CACNA2D3: variants seen among roughly 807,000 people sequenced by gnomAD.
CACNA2D3 encodes calcium voltage-gated channel auxiliary subunit alpha2delta 3, also known as voltage-dependent calcium channel subunit alpha-2/delta-3.
A neutral mutation model predicts 160.6 loss-of-function variants in CACNA2D3; 60 were observed. The observed-to-expected ratio is 0.37, with a 90% CI of 0.30 to 0.46. CACNA2D3 has a LOEUF of 0.46. Ranked by LOEUF, CACNA2D3 falls within the 20% of genes least tolerant of loss-of-function variation. The pLI, the probability that CACNA2D3 is intolerant of heterozygous loss-of-function variation, is 1.00. For missense variants in CACNA2D3, 1,205 were observed against 1,365.0 expected, an observed-to-expected ratio of 0.88 and a Z score of 1.85; for synonymous variants, 558 against 492.9, an observed-to-expected ratio of 1.13 and a Z score of -1.75.
intron 3 of CACNA2D3, among the ~76,000 whole-genome samples, chr3:54,325,115 A>G (rs1477124267): frequency 6.6e-6 from 1 of 152,190 alleles, no homozygotes; most frequent in Non-Finnish European, 1.5e-5. Context: ...GAGTAGCACA[A>G]ACTATCAATC....
intron 20 of CACNA2D3, among the ~76,000 whole-genome samples, chr3:54,879,750 ACCTTT>A (rs1425294724): frequency 1.3e-5 from 2 of 152,050 alleles, no homozygotes; most frequent in African/African-American, 4.8e-5. Context: ...GTTCCATTTC[ACCTTT>A]TATTTCCATG....
chr3:54,439,884 C>G (rs1031527770), intron 4 of CACNA2D3, among the ~76,000 whole-genome samples: 1 of 152,194 alleles, frequency 6.6e-6, no homozygotes, highest in Non-Finnish European at 1.5e-5. Context: ...TGCAGTGCTT[C>G]TCCAATGTGA....
At chr3:54,445,325 G>A (rs1015312773) in intron 4 of CACNA2D3, among the ~76,000 whole-genome samples, 6 of 152,104 alleles carry the variant, frequency 3.9e-5, no homozygotes, top group African/African-American at 7.2e-5. Context: ...AAGTTAAAAC[G>A]CTGATACTTC....
intron 3 of CACNA2D3, among the ~76,000 whole-genome samples, chr3:54,321,727 G>A (rs1435041872): frequency 6.6e-6 from 1 of 152,106 alleles, no homozygotes; most frequent in Non-Finnish European, 1.5e-5. Flanking sequence ...ATTCTTTACT[G>A]CCGCCTTGCT....
rs1351986488 is a variant in CACNA2D3 at position 54,642,236 on chromosome 3, C to G, written c.1162C>G (p.Arg388Gly). The G allele has an allele frequency of 1.2e-6, 2 of 1,602,728 alleles. No homozygotes were observed. Among genetic ancestry groups the G allele is most frequent in the South Asian group, 1.1e-5 (1 of 89,456 alleles). ...TIFAKYNWPD[R>G]KVRIFTYLIG... Reference sequence around the variant, plus strand: ...CTTTGCAAAATACAATTGGCCAGATCGAAAGGTAAGTTGATGCTGATCCCG... The same window carrying G: ...CTTTGCAAAATACAATTGGCCAGATGGAAAGGTAAGTTGATGCTGATCCCG... Residue 388 changes from arginine to glycine, a missense_variant, in exon 11 of 38, where the codon CGA becomes GGA. Physicochemically the swap from Arg to Gly is moderately radical, Grantham distance 125. Coordinates refer to ENST00000474759, the MANE Select transcript of CACNA2D3 (RefSeq NM_018398.3).
intron 4 of CACNA2D3, among the ~76,000 whole-genome samples, chr3:54,394,318 A>ATTTTTTTTTTTTTTT (rs34291779): frequency 7.2e-6 from 1 of 139,294 alleles, no homozygotes; most frequent in African/African-American, 2.7e-5. Context: ...GAGAGTGAAC[A>ATTTTTTTTTTTTTTT]TTTTTTTTTT....
chr3:54,445,588 A>T (rs1356484003), intron 4 of CACNA2D3, among the ~76,000 whole-genome samples: 1 of 150,438 alleles, frequency 6.6e-6, no homozygotes, highest in Non-Finnish European at 1.5e-5. Flanking sequence ...ACACACACAC[A>T]CTCATGTGAA....
At chr3:54,686,876 A>G (rs1350448645) in intron 11 of CACNA2D3, among the ~76,000 whole-genome samples, 3 of 152,302 alleles carry the variant, frequency 2.0e-5, no homozygotes, top group South Asian at 2.1e-4. Flanking sequence ...TGCCTGATCT[A>G]TCAGGTGTAA....
At chr3:54,934,764 A>G (rs1395661828) in intron 27 of CACNA2D3, among the ~76,000 whole-genome samples, 2 of 152,130 alleles carry the variant, frequency 1.3e-5, no homozygotes, top group Non-Finnish European at 2.9e-5. Context: ...ACAGAGTGTC[A>G]CCTGTTGCCC....
At chr3:54,171,175 TC>T (rs1390335049) in intron 2 of CACNA2D3, among the ~76,000 whole-genome samples, 1 of 123,562 alleles carries the variant, frequency 8.1e-6, no homozygotes, top group African/African-American at 3.0e-5. Flanking sequence ...AGCTAGATGA[TC>T]CGGGAAGTTG....
chr3:54,212,633 G>A (rs1416563009), intron 2 of CACNA2D3, among the ~76,000 whole-genome samples: 1 of 152,114 alleles, frequency 6.6e-6, no homozygotes, highest in Admixed American at 6.5e-5. Flanking sequence ...GTATAATGAG[G>A]TGTGTCCGAC....
intron 27 of CACNA2D3, among the ~76,000 whole-genome samples, chr3:54,912,319 C>G (rs180845458): frequency 6.6e-6 from 1 of 152,114 alleles, no homozygotes; most frequent in Non-Finnish European, 1.5e-5. Context: ...AGCCCACAGT[C>G]AAGGAGAGAG....
In CACNA2D3 at chr3:54,494,818, C is replaced by T. The variant is rs140076238; in HGVS notation, c.382-8674C>T. Among the ~76,000 whole-genome samples, 553 of 151,966 alleles carry T rather than the reference C, an allele frequency of 3.6e-3. 6 individuals carry two copies. The highest frequency in any genetic ancestry group is 0.012 in the African/African-American group (516 of 41,434). On this transcript the variant is annotated intron_variant, in intron 4 of 37. Coordinates refer to ENST00000474759, the MANE Select transcript of CACNA2D3 (RefSeq NM_018398.3). ...GGGGAAGCAGGCCTGTCTTACATGG[C>T]GGCAGGTGAGAGAGAGGGAGAGAGA...
intron 29 of CACNA2D3, among the ~76,000 whole-genome samples, chr3:54,983,256 C>T (rs1702545658): frequency 6.6e-6 from 1 of 152,082 alleles, no homozygotes; most frequent in South Asian, 2.1e-4. Flanking sequence ...GCTGTGGAAC[C>T]CTTGAAATGT....
Position 54,386,697 on chromosome 3 carries a change from T to TTTG in CACNA2D3, c.322-16_322-15insGTT, listed in dbSNP as rs1452171595. ...CTGATCCTTAATGCTGTCTTCTGTT[T>TTTG]TTTTTTTTTTTTTTTAGCGTCTGGT... On this transcript the variant is annotated splice_polypyrimidine_tract_variant and intron_variant, in intron 3 of 37. Coordinates refer to ENST00000474759, the MANE Select transcript of CACNA2D3 (RefSeq NM_018398.3). 24 of 1,137,452 alleles carry TTTG rather than the reference T, an allele frequency of 2.1e-5. No homozygotes were observed. Among genetic ancestry groups the TTTG allele is most frequent in the Non-Finnish European group, 2.5e-5 (21 of 856,412 alleles). The allele number at this position is 1,137,452 out of a possible 1,614,324, so 70.5% of individuals were successfully genotyped here. A position where few individuals can be genotyped will look rare whatever the true frequency, so the allele number is the denominator to read the frequency against.
At chr3:54,819,234 C>T (rs1315431127) in intron 14 of CACNA2D3, among the ~76,000 whole-genome samples, 1 of 152,196 alleles carries the variant, frequency 6.6e-6, no homozygotes, top group African/African-American at 2.4e-5. Context: ...AGTTACTTAA[C>T]CTCTCTAAGC....
At chr3:54,123,380 A>T in intron 1 of CACNA2D3, 133 bp from the exon 2 acceptor site, 2 of 694,614 alleles carry the variant, frequency 2.9e-6, no homozygotes, top group Admixed American at 2.5e-5. Context: ...CGCTTTTTCT[A>T]TCTTTTCTTC....
chr3:54,962,821 G>C (rs531572842), intron 27 of CACNA2D3, among the ~76,000 whole-genome samples: 1 of 152,218 alleles, frequency 6.6e-6, no homozygotes, highest in African/African-American at 2.4e-5. Flanking sequence ...GTGAGCTTGT[G>C]TGCCAGGCAT....
At chr3:54,476,649 G>C (rs1700836299) in intron 4 of CACNA2D3, among the ~76,000 whole-genome samples, 1 of 152,070 alleles carries the variant, frequency 6.6e-6, no homozygotes, top group South Asian at 2.1e-4. Flanking sequence ...GCATTTCCCT[G>C]GTGATTAGTG....
Sources: allele counts gnomAD v4.1 joint callset (sites outside exome capture counted in the v4.1 genomes callset), GRCh38; gene constraint gnomAD v4.1.1; transcripts MANE v1.5; gene names NCBI Gene and HGNC (gene_info 2026-07-23, HGNC 2026-07-21).